LRGUK: variants seen among roughly 807,000 people sequenced by gnomAD.
LRGUK encodes leucine rich repeats and guanylate kinase domain containing.
A neutral mutation model predicts 76.0 loss-of-function variants in LRGUK; 65 were observed. That is an observed-to-expected ratio of 0.85 (90% CI 0.70 to 1.05). The LOEUF (loss-of-function observed/expected upper bound fraction) is 1.05, where lower values mean the gene tolerates loss of function less well. LRGUK is among the 50% of genes least tolerant of loss of function. The pLI, the probability that LRGUK is intolerant of heterozygous loss-of-function variation, is 0.00. For missense variants in LRGUK, 758 were observed against 732.8 expected (o/e 1.03, Z -0.40); for synonymous variants, 268 against 265.6 (o/e 1.01, Z -0.09).
intron 7 of LRGUK, among the ~76,000 whole-genome samples, chr7:134,164,170 A>G (rs548803513): frequency 2.4e-4 from 37 of 152,352 alleles, no homozygotes; most frequent in Non-Finnish European, 5.1e-4. Context: ...GCCATCCTAC[A>G]ATGTAACATG....
exon 17 of LRGUK, chr7:134,247,623 A>G (rs1481080550): frequency 6.2e-7 from 1 of 1,613,134 alleles, no homozygotes; most frequent in East Asian, 2.2e-5. Flanking sequence ...ATACGCCCTG[A>G]TCACACACTC....
chr7:134,211,233 T>C (rs576600355), downstream of LRGUK, among the ~76,000 whole-genome samples: 32 of 152,364 alleles, frequency 2.1e-4, 1 homozygote, highest in African/African-American at 7.5e-4. Flanking sequence ...TATCAGCTGC[T>C]GCCACCAAAT....
chr7:134,197,225 A>G (rs1585536818), intron 13 of LRGUK, 120 bp downstream of exon 13: 1 of 618,200 alleles, frequency 1.6e-6, no homozygotes, highest in Admixed American at 2.7e-5. Context: ...ATTGAGGTAC[A>G]TATATGGGGT....
At chr7:134,257,580 C>T (rs1348656303) in intron 18 of LRGUK, among the ~76,000 whole-genome samples, 1 of 152,154 alleles carries the variant, frequency 6.6e-6, no homozygotes, top group African/African-American at 2.4e-5. Flanking sequence ...CCGAGGCCGG[C>T]TGATCACCTG....
intron 7 of LRGUK, among the ~76,000 whole-genome samples, chr7:134,174,310 A>C (rs558462426): frequency 1.8e-4 from 28 of 152,212 alleles, no homozygotes; most frequent in African/African-American, 6.5e-4. Context: ...TAAGAGGAGG[A>C]AACTTACTGT....
At chr7:134,263,961 C>G in exon 20 of LRGUK, 1 of 1,610,996 alleles carries the variant, frequency 6.2e-7, no homozygotes, top group Admixed American at 1.7e-5. Context: ...TCCAATCCCT[C>G]AGGGCCGCAG....
intron 10 of LRGUK, among the ~76,000 whole-genome samples, chr7:134,178,935 A>AAAAAAAAAAAAAAAAACC (rs984857605): frequency 1.8e-3 from 47 of 25,506 alleles, no homozygotes; most frequent in African/African-American, 5.2e-3. Context: ...TCAAAAAAAA[A>AAAAAAAAAAAAAAAAACC]AAAAAAAAAA....
rs1268231321 is a variant in LRGUK, at chr7:134,263,428, T to C, written c.2348-417T>C. 2.0e-5 allele frequency among the ~76,000 whole-genome samples: 3 copies of C among 151,586 alleles called. No individual in the cohort carries two copies. The East Asian group carries it at 5.8e-4, about 29-fold the overall frequency. ...CTGTGTGTGTGTGTGTCTGTGTGCA[T>C]GTGTATGATTGTGAAAGAGTACTGT... On this transcript the variant is annotated intron_variant, in intron 19 of 19. Coordinates refer to the LRGUK transcript ENST00000285928.
At chr7:134,139,586 G>A in intron 3 of LRGUK, 69 bp downstream of exon 3, 1 of 933,964 alleles carries the variant, frequency 1.1e-6, no homozygotes, top group Non-Finnish European at 1.7e-6. Flanking sequence ...TATGTAATAT[G>A]GTTTAATAAT....
chr7:134,145,188 A>G (rs1318996969), intron 4 of LRGUK, among the ~76,000 whole-genome samples: 2 of 152,108 alleles, frequency 1.3e-5, no homozygotes, highest in African/African-American at 4.8e-5. Flanking sequence ...AGCCACTGTG[A>G]GCTCTGTGTA....
exon 16 of LRGUK, chr7:134,221,872 A>C: frequency 6.3e-7 from 1 of 1,598,382 alleles, no homozygotes; most frequent in Non-Finnish European, 8.5e-7. Flanking sequence ...GACAGAAACT[A>C]CCTCATTAAA....
At chr7:134,237,023 A>C (rs1802031171) in intron 16 of LRGUK, among the ~76,000 whole-genome samples, 1 of 149,264 alleles carries the variant, frequency 6.7e-6, no homozygotes, top group African/African-American at 2.5e-5. Context: ...TTCTTACAGG[A>C]TCAGCAGGCT....
intron 4 of LRGUK, 135 bp downstream of exon 4, chr7:134,143,297 TAA>T: frequency 3.3e-6 from 2 of 614,098 alleles, no homozygotes; most frequent in East Asian, 5.4e-5. Flanking sequence ...TGAAATGAAA[TAA>T]AAAAGAAGGC....
chr7:134,267,925 T>TAA (rs34178912), downstream of LRGUK, among the ~76,000 whole-genome samples: 17 of 150,774 alleles, frequency 1.1e-4, no homozygotes, highest in East Asian at 5.8e-4. Flanking sequence ...AATCTAAAAT[T>TAA]AAAAAAAAAT....
chr7:134,151,220 G>T (rs1470968683), intron 5 of LRGUK, among the ~76,000 whole-genome samples: 2 of 152,026 alleles, frequency 1.3e-5, no homozygotes, highest in East Asian at 3.8e-4. Flanking sequence ...AAGCCACAAG[G>T]TTAGAGTGTT....
chr7:134,234,422 A>T (rs779411419), intron 16 of LRGUK, among the ~76,000 whole-genome samples: 1 of 152,108 alleles, frequency 6.6e-6, no homozygotes, highest in Non-Finnish European at 1.5e-5. Flanking sequence ...GTGAATGGAC[A>T]AAGGAATGAT....
At chr7:134,143,599 T>G (rs1479519599) in intron 4 of LRGUK, among the ~76,000 whole-genome samples, 1 of 152,222 alleles carries the variant, frequency 6.6e-6, no homozygotes, top group Non-Finnish European at 1.5e-5. Flanking sequence ...TCTGAAAAAT[T>G]TTATATCTGA....
intron 16 of LRGUK, among the ~76,000 whole-genome samples, chr7:134,233,120 G>A (rs1406270402): frequency 6.6e-6 from 1 of 152,156 alleles, no homozygotes; most frequent in African/African-American, 2.4e-5. Flanking sequence ...AGATGTCTAA[G>A]TGTCTAAGTT....
intron 8 of LRGUK, 123 bp from the exon 9 acceptor site, chr7:134,176,854 A>G (rs1451486440): frequency 4.9e-6 from 3 of 612,412 alleles, no homozygotes; most frequent in African/African-American, 3.7e-5. Context: ...TAGTCCTGTG[A>G]GGGTGTGTGT....
Sources: gnomAD v4.1 joint callset for allele counts (sites outside exome capture counted in the v4.1 genomes callset) on GRCh38, gnomAD v4.1.1 for gene constraint, MANE v1.5 for transcripts, NCBI Gene and HGNC (gene_info 2026-07-23, HGNC 2026-07-21) for gene names.